The following PRKG1 variants were observed in gnomAD, a reference collection of about 807,000 sequenced individuals.
PRKG1 encodes the protein cGMP-dependent protein kinase 1.
In PRKG1, 35 loss-of-function variants were observed where a neutral mutation model predicts 88.1. The observed-to-expected ratio is 0.40, with a 90% CI of 0.30 to 0.53. PRKG1 has a LOEUF of 0.53. PRKG1 is among the 20% of genes least tolerant of loss of function. The probability of loss-of-function intolerance (pLI) is 0.59; values close to 1 mark genes in which losing one functional copy is unlikely to be tolerated. For missense variants in PRKG1, 540 were observed against 839.8 expected (o/e 0.64, Z 4.41); for synonymous variants, 303 against 292.5 (o/e 1.04, Z -0.37).
chr10:51,015,219 G>A (rs79964688), intron 1 of PRKG1, among the ~76,000 whole-genome samples: 16 of 152,304 alleles, frequency 1.1e-4, no homozygotes, highest in East Asian at 1.9e-4. Flanking sequence ...ATGTCCAGAC[G>A]CAGTTAATTT....
intron 5 of PRKG1, among the ~76,000 whole-genome samples, chr10:51,913,963 G>A (rs1027317531): frequency 6.6e-6 from 1 of 152,114 alleles, no homozygotes; most frequent in Non-Finnish European, 1.5e-5. Flanking sequence ...ATGTATTTGA[G>A]TCTATTCTGA....
At chr10:51,277,509 G>A (rs538998610) in intron 2 of PRKG1, among the ~76,000 whole-genome samples, 65 of 152,216 alleles carry the variant, frequency 4.3e-4, no homozygotes, top group East Asian at 1.5e-3. Context: ...AAAGTCTTTC[G>A]TAGCTTGATG....
chr10:50,995,219 AAT>A (rs781415844), intron 1 of PRKG1, among the ~76,000 whole-genome samples: 2 of 152,326 alleles, frequency 1.3e-5, no homozygotes, highest in South Asian at 2.1e-4. Context: ...AAGGAAATGG[AAT>A]TCATTAACGA....
At chr10:51,524,948 C>A (rs537716718) in intron 3 of PRKG1, among the ~76,000 whole-genome samples, 1 of 152,222 alleles carries the variant, frequency 6.6e-6, no homozygotes, top group South Asian at 2.1e-4. Context: ...AAAATAATGT[C>A]ATTAAATGGG....
intron 7 of PRKG1, among the ~76,000 whole-genome samples, chr10:52,117,413 G>C (rs531291355): frequency 3.4e-4 from 51 of 152,070 alleles, no homozygotes; most frequent in African/African-American, 1.1e-3. Context: ...CTGCTAAACT[G>C]GTATCTCTTC....
At chr10:51,894,078 A>G (rs756742655) in intron 4 of PRKG1, among the ~76,000 whole-genome samples, 22 of 152,218 alleles carry the variant, frequency 1.4e-4, no homozygotes, top group Non-Finnish European at 1.3e-4. Context: ...TTCTACAAAC[A>G]TATGGGAATC....
chr10:51,207,957 G>T (rs1419335875), intron 2 of PRKG1, among the ~76,000 whole-genome samples: 1 of 152,050 alleles, frequency 6.6e-6, no homozygotes, highest in Non-Finnish European at 1.5e-5. Context: ...GTTTTTAAAG[G>T]GACTATTTCT....
chr10:51,949,486 G>C (rs1422518003), intron 5 of PRKG1, among the ~76,000 whole-genome samples: 1 of 151,440 alleles, frequency 6.6e-6, no homozygotes, highest in South Asian at 2.1e-4. Context: ...ATAAAATTTG[G>C]TTTAGATTGG....
chr10:51,295,083 T>C (rs999755882), intron 2 of PRKG1, among the ~76,000 whole-genome samples: 1 of 151,760 alleles, frequency 6.6e-6, no homozygotes, highest in Non-Finnish European at 1.5e-5. Flanking sequence ...ACCCTGTCTC[T>C]AAGAGGAAAA....
At chr10:52,256,525 A>C (rs1841311395) in intron 10 of PRKG1, among the ~76,000 whole-genome samples, 2 of 139,560 alleles carry the variant, frequency 1.4e-5, no homozygotes. Flanking sequence ...TAGGATATGT[A>C]CCTCACAAGG....
chr10:51,868,263 G>A (rs986638311), intron 4 of PRKG1, among the ~76,000 whole-genome samples: 1 of 152,148 alleles, frequency 6.6e-6, no homozygotes, highest in African/African-American at 2.4e-5. Flanking sequence ...AACCAGCATG[G>A]TTGCCCATGG....
In PRKG1 at chr10:51,452,001, A is replaced by G. The variant is rs367610605; in HGVS notation, c.479-15722A>G. On this transcript the variant is annotated intron_variant, in intron 2 of 17. Coordinates refer to ENST00000373980, the MANE Select transcript of PRKG1 (RefSeq NM_006258.4). The stretch of plus-strand genomic sequence containing the variant: ...TAATGGAATTAGTGACAAATCTTAT[A>G]ATTGAACAATTACTATGTACCTGTG... 2.2e-4 allele frequency among the ~76,000 whole-genome samples: 33 copies of G among 152,044 alleles called. No homozygotes were observed. In the South Asian group the frequency reaches 6.4e-3, roughly 30 times the overall value.
At chr10:51,699,352 G>A (rs1228104345) in intron 3 of PRKG1, 1 of 1,613,926 alleles carries the variant, frequency 6.2e-7, no homozygotes, top group African/African-American at 1.3e-5. Context: ...CGGTCTCCTG[G>A]TCTTGGTATT....
At chr10:50,993,435 A>G (rs1842802035) in intron 1 of PRKG1, among the ~76,000 whole-genome samples, 1 of 152,070 alleles carries the variant, frequency 6.6e-6, no homozygotes, top group Admixed American at 6.6e-5. Context: ...CTGCAAACAG[A>G]CCTAATATTT....
intron 2 of PRKG1, among the ~76,000 whole-genome samples, chr10:51,233,586 A>T (rs1334433640): frequency 6.6e-6 from 1 of 152,204 alleles, no homozygotes; most frequent in Non-Finnish European, 1.5e-5. Flanking sequence ...GCACTCAAAA[A>T]GGTTTAATTT....
chr10:51,643,605 C>A (rs1436518366), intron 3 of PRKG1, among the ~76,000 whole-genome samples: 1 of 152,080 alleles, frequency 6.6e-6, no homozygotes. Context: ...GAAGAGGTAG[C>A]TAATTGGCAT....
chr10:51,536,101 G>C (rs759006569), intron 3 of PRKG1, among the ~76,000 whole-genome samples: 6 of 152,246 alleles, frequency 3.9e-5, no homozygotes, highest in South Asian at 2.1e-4. Flanking sequence ...AGGTCATAGG[G>C]GGTATGATAC....
At chr10:51,363,900 A>G (rs1262856566) in intron 2 of PRKG1, among the ~76,000 whole-genome samples, 1 of 151,992 alleles carries the variant, frequency 6.6e-6, no homozygotes, top group Non-Finnish European at 1.5e-5. Flanking sequence ...GAGAATGTGC[A>G]TACTAAATAA....
Position 51,921,258 on chromosome 10 carries a change from C to G in PRKG1, c.762+13688C>G, listed in dbSNP as rs115005108. Among the ~76,000 whole-genome samples, 1,148 of 152,154 alleles carry G rather than the reference C, an allele frequency of 7.5e-3. 18 individuals carry two copies. The highest frequency in any genetic ancestry group is 0.025 in the African/African-American group (1,050 of 41,544). ...AAATCAATTGACTTTTATATATTAA[C>G]CTTGTATCTTGCTACCTTTCTATAA... is the stretch of plus-strand genomic sequence containing the variant. On this transcript the variant is annotated intron_variant, in intron 5 of 17. Transcript: ENST00000373980.
Sources: allele counts gnomAD v4.1 joint callset (sites outside exome capture counted in the v4.1 genomes callset), GRCh38; gene constraint gnomAD v4.1.1; transcripts MANE v1.5; gene names NCBI Gene and HGNC (gene_info 2026-07-23, HGNC 2026-07-21).